C1QTNF1: variants seen among roughly 807,000 people sequenced by gnomAD.
C1QTNF1 encodes complement C1q tumor necrosis factor-related protein 1.
In C1QTNF1, 22 loss-of-function variants were observed where a neutral mutation model predicts 27.8. The observed-to-expected ratio is 0.79, with a 90% CI of 0.56 to 1.13. C1QTNF1 has a LOEUF of 1.13. Among genes scored for constraint, C1QTNF1 ranks in the 50% most tolerant of loss-of-function variants. The probability of loss-of-function intolerance (pLI) is 0.00; values close to 1 mark genes in which losing one functional copy is unlikely to be tolerated. For synonymous variants in C1QTNF1, 166 were observed against 154.3 expected (o/e 1.08, Z -0.56); for missense variants, 373 against 380.2 (o/e 0.98, Z 0.16).
At chr17:79,047,043 C>T in intron 3 of C1QTNF1, 1 of 305,422 alleles carries the variant, frequency 3.3e-6, no homozygotes, top group South Asian at 6.1e-5. Flanking sequence ...TGAAATGCCA[C>T]CTGCTCGCTC....
In C1QTNF1 at chr17:79,046,758, G is replaced by C; in HGVS notation, c.295+64G>C. On this transcript the variant is annotated intron_variant, in intron 3 of 3. Transcript: ENST00000579760. The surrounding 1 kb of genome is among the most constrained non-coding windows in gnomAD (Gnocchi z 4.8). ...TGCTCTGTGCTGATCCGGAGGAAGG[G>C]ATGGAGTCGTTAGGGTGGGGCTAGG... The C allele has an allele frequency of 1.3e-6, 2 of 1,599,234 alleles. No individual in the cohort carries two copies. Among genetic ancestry groups the C allele is most frequent in the Admixed American group, 3.4e-5 (2 of 59,370 alleles).
At chr17:79,035,344 C>A (rs574159480) in intron 1 of C1QTNF1, among the ~76,000 whole-genome samples, 6 of 151,814 alleles carry the variant, frequency 4.0e-5, no homozygotes, top group African/African-American at 1.5e-4. Context: ...CCAAAGGTGG[C>A]TGGAGGGGAT....
rs2072575660 is a variant in C1QTNF1 at position 79,046,481 on chromosome 17, A to C, written c.156-74A>C. 8.2e-6 allele frequency: 13 copies of C among 1,579,034 alleles called. No individual in the cohort carries two copies. Among genetic ancestry groups the C allele is most frequent in the Admixed American group, 3.4e-5 (2 of 59,150 alleles). On this transcript the variant is annotated intron_variant, in intron 2 of 3. Transcript: ENST00000579760. This position sits in a 1 kb window ranked among gnomAD's most constrained non-coding sequence, Gnocchi z 4.8. ...AAGGCAGGTCAGGCATGCCAGAACC[A>C]CTGGCAGCAGGAGAGAGCAGCGTTT...
At chr17:79,030,514 TTTC>T (rs781226627) in intron 1 of C1QTNF1, among the ~76,000 whole-genome samples, 97 of 138,734 alleles carry the variant, frequency 7.0e-4, no homozygotes, top group Non-Finnish European at 9.0e-4. Context: ...TCTTTCTTTC[TTTC>T]TTTCTTTCTT....
intron 1 of C1QTNF1, among the ~76,000 whole-genome samples, chr17:79,028,794 A>G (rs1057247938): frequency 1.2e-4 from 18 of 152,118 alleles, no homozygotes; most frequent in Admixed American, 1.1e-3. Context: ...AGAGCTTGCC[A>G]GCATGCTGGT....
chr17:79,033,947 A>C (rs112277616), intron 1 of C1QTNF1, among the ~76,000 whole-genome samples: 2,706 of 152,252 alleles, frequency 0.018, 81 homozygotes, highest in African/African-American at 0.059. Flanking sequence ...GTAGCCAAGC[A>C]GTCGGGGCGG....
chr17:79,048,153 C>T lies in C1QTNF1; in HGVS notation c.*65C>T. On this transcript the variant is annotated 3_prime_UTR_variant, in exon 4 of 4. Coordinates refer to ENST00000579760, the MANE Select transcript of C1QTNF1 (RefSeq NM_030968.5). ...CTGCGCTGTGCTGACCCCACCGCCT[C>T]TTCCCCGATCCCTGGACTCCGACTC... 1.1e-6 allele frequency: 1 copy of T among 940,194 alleles called. No individual in the cohort carries two copies. The highest frequency in any genetic ancestry group is 1.3e-6 in the Non-Finnish European group (1 of 742,192). The allele number at this position is 940,194 out of a possible 1,614,324, so 58.2% of individuals were successfully genotyped here. A position where few individuals can be genotyped will look rare whatever the true frequency, so the allele number is the denominator to read the frequency against.
In C1QTNF1 at chr17:79,049,779, GT is replaced by G. The variant is rs1385948299; in HGVS notation, c.*1695del. The G allele has an allele frequency of 1.3e-5, 2 of 152,260 alleles. No individual in the cohort carries two copies. The highest frequency in any genetic ancestry group is 2.9e-5 in the Non-Finnish European group (2 of 68,060). The allele number at this position is 152,260 out of a possible 1,614,324, so 9.4% of individuals were successfully genotyped here. A position where few individuals can be genotyped will look rare whatever the true frequency, so the allele number is the denominator to read the frequency against. On this transcript the variant is annotated 3_prime_UTR_variant, in exon 4 of 4. Coordinates refer to ENST00000579760, the MANE Select transcript of C1QTNF1 (RefSeq NM_030968.5). This position sits in a 1 kb window ranked among gnomAD's most constrained non-coding sequence, Gnocchi z 4.4. Reference sequence around the variant, plus strand: ...CAGAAAACATTAAACTCAGAATTGTGTTTTCAGCATCCTGCCTCGTCAGTTT... The same window carrying G: ...CAGAAAACATTAAACTCAGAATTGTGTTTCAGCATCCTGCCTCGTCAGTTT...
Position 79,046,327 on chromosome 17 carries a change from G to A in C1QTNF1, c.156-228G>A, listed in dbSNP as rs929353524. Reference sequence around the variant, plus strand: ...TGCGTGGCACTCAATTGATCGCTGCGTGTGTTTCCAGGACTGTCATTGCCT... The same window carrying A: ...TGCGTGGCACTCAATTGATCGCTGCATGTGTTTCCAGGACTGTCATTGCCT... On this transcript the variant is annotated intron_variant, in intron 2 of 3. Transcript: ENST00000579760. The surrounding 1 kb of genome is among the most constrained non-coding windows in gnomAD (Gnocchi z 4.8). 4.6e-5 allele frequency among the ~76,000 whole-genome samples: 7 copies of A among 152,172 alleles called. No homozygotes were observed. Among genetic ancestry groups the A allele is most frequent in the African/African-American group, 9.7e-5 (4 of 41,432 alleles).
intron 1 of C1QTNF1, among the ~76,000 whole-genome samples, chr17:79,031,738 C>T (rs897342027): frequency 6.6e-6 from 1 of 152,360 alleles, no homozygotes; most frequent in Admixed American, 6.5e-5. Context: ...GCCACTGCAC[C>T]CAGCCATGTA....
intron 2 of C1QTNF1, among the ~76,000 whole-genome samples, chr17:79,045,310 A>C (rs1298793747): frequency 2.0e-5 from 3 of 152,032 alleles, no homozygotes; most frequent in Non-Finnish European, 4.4e-5. Context: ...AGGCTGGAGG[A>C]CAGTAGGGCA....
chr17:79,026,054 C>A, intron 1 of C1QTNF1: 1 of 198,006 alleles, frequency 5.1e-6, no homozygotes, highest in Admixed American at 5.5e-5. Context: ...GTGGAAAGAG[C>A]AGAGCTGCAA....
intron 1 of C1QTNF1, among the ~76,000 whole-genome samples, chr17:79,038,606 G>A (rs947500880): frequency 6.6e-6 from 1 of 152,200 alleles, no homozygotes; most frequent in African/African-American, 2.4e-5. Flanking sequence ...CCTTGCCTGC[G>A]ATGAGGCCTG....
rs528461987 is a variant in C1QTNF1 at position 79,046,322 on chromosome 17, G to A, written c.156-233G>A. ...CATCTTGCGTGGCACTCAATTGATC[G>A]CTGCGTGTGTTTCCAGGACTGTCAT... On this transcript the variant is annotated intron_variant, in intron 2 of 3. Transcript: ENST00000579760. This position sits in a 1 kb window ranked among gnomAD's most constrained non-coding sequence, Gnocchi z 4.8. 9.9e-5 allele frequency among the ~76,000 whole-genome samples: 15 copies of A among 152,276 alleles called. No individual in the cohort carries two copies. The highest frequency in any genetic ancestry group is 2.1e-4 in the South Asian group (1 of 4,824).
intron 1 of C1QTNF1, among the ~76,000 whole-genome samples, chr17:79,037,141 G>GT (rs2072282669): frequency 6.6e-6 from 1 of 151,870 alleles, no homozygotes; most frequent in Non-Finnish European, 1.5e-5. Context: ...TTTTGTTTTT[G>GT]TTTTTTTGAG....
intron 1 of C1QTNF1, among the ~76,000 whole-genome samples, chr17:79,032,897 A>G (rs1428897276): frequency 2.0e-5 from 3 of 151,950 alleles, no homozygotes; most frequent in Non-Finnish European, 4.4e-5. Context: ...GCAAAACCCC[A>G]TCTCTACTAA....
At position 79,046,191 on chromosome 17, in the gene C1QTNF1, A is replaced by C. The variant is rs1382842182; in HGVS notation, c.156-364A>C. Reference sequence around the variant, plus strand: ...TCTTATTTGCAGACGAGTCAGCTTCATATGTTATTTTCTAGCATCACGGAT... The same window carrying C: ...TCTTATTTGCAGACGAGTCAGCTTCCTATGTTATTTTCTAGCATCACGGAT... On this transcript the variant is annotated intron_variant, in intron 2 of 3. Transcript: ENST00000579760. The surrounding 1 kb of genome is among the most constrained non-coding windows in gnomAD (Gnocchi z 4.8). Among the ~76,000 whole-genome samples, 2 of 152,184 alleles carry C rather than the reference A, an allele frequency of 1.3e-5. No homozygotes were observed. Among genetic ancestry groups the C allele is most frequent in the African/African-American group, 4.8e-5 (2 of 41,440 alleles).
intron 1 of C1QTNF1, among the ~76,000 whole-genome samples, chr17:79,040,548 T>C (rs1167997753): frequency 6.6e-6 from 1 of 152,000 alleles, no homozygotes; most frequent in Non-Finnish European, 1.5e-5. Flanking sequence ...GGCAGGATTT[T>C]ATTGTCATCT....
Position 79,046,689 on chromosome 17 carries a change from T to C in C1QTNF1, c.290T>C (p.Leu97Ser). ...TAVPQINITI[L>S]KGEKGDRGDR... ...GTGCCCCAGATCAACATCACTATCT[T>C]GAAAGGTCAGATGGCTGCAAAGACA... is the stretch of plus-strand genomic sequence containing the variant. Residue 97 changes from leucine to serine, a missense_variant, in exon 3 of 4, where the codon TTG becomes TCG. Transcript: ENST00000579760. The surrounding 1 kb of genome is among the most constrained non-coding windows in gnomAD (Gnocchi z 4.8). 1 of 1,614,066 alleles carries C rather than the reference T, an allele frequency of 6.2e-7. No homozygotes were observed. The highest frequency in any genetic ancestry group is 8.5e-7 in the Non-Finnish European group (1 of 1,179,992).
Sources: gnomAD v4.1 joint callset for allele counts (sites outside exome capture counted in the v4.1 genomes callset) on GRCh38, gnomAD v4.1.1 for gene constraint, Gnocchi (gnomAD v3.1) non-coding constraint, MANE v1.5 for transcripts, NCBI Gene and HGNC (gene_info 2026-07-23, HGNC 2026-07-21) for gene names.